Variants in PLD5 observed in about 807,000 individuals in gnomAD.
PLD5 encodes the protein inactive phospholipase D5.
Under a neutral mutation model 61.1 loss-of-function variants are expected in PLD5, and 36 were observed. That is an observed-to-expected ratio of 0.59 (90% CI 0.45 to 0.78). PLD5 has a LOEUF of 0.78. Ranked by LOEUF, PLD5 falls within the 30% of genes least tolerant of loss-of-function variation. The pLI, the probability that PLD5 is intolerant of heterozygous loss-of-function variation, is 0.00. For missense variants in PLD5, 515 were observed against 644.4 expected, an observed-to-expected ratio of 0.80 and a Z score of 2.17; for synonymous variants, 243 against 242.8, an observed-to-expected ratio of 1.00 and a Z score of -0.01.
intron 1 of PLD5, among the ~76,000 whole-genome samples, chr1:242,389,821 G>A (rs764251727): frequency 6.6e-6 from 1 of 151,942 alleles, no homozygotes; most frequent in Non-Finnish European, 1.5e-5. Flanking sequence ...GAGTCAGCAA[G>A]CATGGATTTA....
rs555387260 is a variant in PLD5, at chr1:242,101,066, GT to G, written c.1240-285del. 1.3e-3 allele frequency among the ~76,000 whole-genome samples: 195 copies of G among 152,288 alleles called. 1 individual carries two copies. The highest frequency in any genetic ancestry group is 4.5e-3 in the African/African-American group (186 of 41,558). ...TTTTCAGCAGGATAAGGGCCAGAAGGTTGTTTAATTCTCATTGTCTTATTCA... is the reference window on the plus strand; with the variant it reads ...TTTTCAGCAGGATAAGGGCCAGAAGGTGTTTAATTCTCATTGTCTTATTCA... On this transcript the variant is annotated intron_variant, in intron 8 of 9. Transcript: ENST00000536534.
intron 5 of PLD5, among the ~76,000 whole-genome samples, chr1:242,190,467 C>T (rs1052164333): frequency 2.0e-5 from 3 of 152,006 alleles, no homozygotes; most frequent in Admixed American, 6.6e-5. Flanking sequence ...TCCTTATGGA[C>T]GAGGTGCTCC....
intron 1 of PLD5, among the ~76,000 whole-genome samples, chr1:242,373,873 C>A (rs529762594): frequency 1.3e-5 from 2 of 151,818 alleles, no homozygotes; most frequent in Non-Finnish European, 2.9e-5. Context: ...ATGTAAATGA[C>A]GAGTTAATGT....
At chr1:242,163,642 T>TTCTA (rs1301370484) in intron 5 of PLD5, among the ~76,000 whole-genome samples, 2 of 152,200 alleles carry the variant, frequency 1.3e-5, no homozygotes, top group African/African-American at 2.4e-5. Context: ...TGTCCATTCA[T>TTCTA]TCTATCTCCC....
chr1:242,346,979 C>T (rs775835294), intron 2 of PLD5, among the ~76,000 whole-genome samples: 18 of 152,202 alleles, frequency 1.2e-4, no homozygotes, highest in Non-Finnish European at 7.3e-5. Flanking sequence ...CTGCAAAGGA[C>T]GTGATCTTGT....
chr1:242,525,217 G>A (rs1295322160), upstream of PLD5, among the ~76,000 whole-genome samples: 1 of 152,080 alleles, frequency 6.6e-6, no homozygotes, highest in African/African-American at 2.4e-5. Context: ...ATCCGATGGT[G>A]TGGCGATGCA....
At chr1:242,100,130 A>C (rs1246027501) in intron 9 of PLD5, among the ~76,000 whole-genome samples, 1 of 152,246 alleles carries the variant, frequency 6.6e-6, no homozygotes, top group East Asian at 1.9e-4. Flanking sequence ...CACCCAATGA[A>C]GTAGTTACTA....
intron 5 of PLD5, among the ~76,000 whole-genome samples, chr1:242,150,332 A>C (rs1664841286): frequency 6.6e-6 from 1 of 151,794 alleles, no homozygotes. Context: ...AGTTGTTGAC[A>C]GTGTTTTCAA....
intron 5 of PLD5, among the ~76,000 whole-genome samples, chr1:242,167,054 TGAGA>T (rs1666350869): frequency 7.8e-6 from 1 of 128,762 alleles, no homozygotes; most frequent in Non-Finnish European, 1.6e-5. Context: ...GGTAGCCTTT[TGAGA>T]GTGAGAGACA....
chr1:242,528,611 T>C (rs73148034), upstream of PLD5, among the ~76,000 whole-genome samples: 7,602 of 152,246 alleles, frequency 0.05, 634 homozygotes, highest in African/African-American at 0.18. Context: ...ATTTCCACAA[T>C]AGTTACATCT....
chr1:242,137,772 A>T (rs560630333), intron 5 of PLD5, among the ~76,000 whole-genome samples: 7 of 152,276 alleles, frequency 4.6e-5, no homozygotes, highest in East Asian at 1.9e-4. Flanking sequence ...CTAAATACCA[A>T]TGGCAGAGAA....
intron 1 of PLD5, among the ~76,000 whole-genome samples, chr1:242,422,178 A>G (rs1376316976): frequency 6.6e-6 from 1 of 152,004 alleles, no homozygotes; most frequent in Non-Finnish European, 1.5e-5. Flanking sequence ...GTAAATATAT[A>G]TATATACTGC....
chr1:242,299,555 C>T (rs761652336), intron 2 of PLD5, among the ~76,000 whole-genome samples: 48 of 152,300 alleles, frequency 3.2e-4, no homozygotes, highest in Admixed American at 1.4e-3. Flanking sequence ...CACAACACTC[C>T]ATTGCCTCTT....
chr1:242,215,272 A>C (rs946565774), intron 5 of PLD5, among the ~76,000 whole-genome samples: 2 of 152,038 alleles, frequency 1.3e-5, no homozygotes, highest in African/African-American at 4.8e-5. Context: ...CCAATTCACA[A>C]TTCCAACAAT....
intron 9 of PLD5, among the ~76,000 whole-genome samples, chr1:242,095,094 G>T (rs895393951): frequency 3.3e-5 from 5 of 151,570 alleles, no homozygotes; most frequent in African/African-American, 9.7e-5. Context: ...CCGCCACCAC[G>T]CCTGGCTAAT....
At chr1:242,485,747 G>A (rs995871722) in intron 1 of PLD5, among the ~76,000 whole-genome samples, 3 of 152,182 alleles carry the variant, frequency 2.0e-5, no homozygotes, top group African/African-American at 7.2e-5. Context: ...AAAAGAGCTC[G>A]CATTGCCAAG....
intron 7 of PLD5, among the ~76,000 whole-genome samples, chr1:242,110,060 T>C (rs888388500): frequency 6.8e-6 from 1 of 146,114 alleles, no homozygotes; most frequent in Non-Finnish European, 1.5e-5. Context: ...ATATAGATAT[T>C]ATATTACTAT....
intron 2 of PLD5, among the ~76,000 whole-genome samples, chr1:242,302,247 C>T (rs116726318): frequency 0.02 from 3,120 of 152,312 alleles, 116 homozygotes; most frequent in African/African-American, 0.07. Flanking sequence ...GCTAATGATG[C>T]ATTTGTCAGA....
rs114780769 is a variant in PLD5, at chr1:242,390,277, C to T, written c.190-42035G>A. On this transcript the variant is annotated intron_variant, in intron 1 of 9. Transcript: ENST00000536534. ...GTTTCACCTTGTTGGCCAGGTTGGT[C>T]TCGAAGATACAAATTATTAAAGCTC... Among the ~76,000 whole-genome samples the T allele has an allele frequency of 8.7e-3, 1,326 of 152,156 alleles. 22 individuals are homozygous for T. Among genetic ancestry groups the T allele is most frequent in the African/African-American group, 0.03 (1,260 of 41,530 alleles).
Sources: gnomAD v4.1 joint callset for allele counts (sites outside exome capture counted in the v4.1 genomes callset) on GRCh38, gnomAD v4.1.1 for gene constraint, MANE v1.5 for transcripts, NCBI Gene and HGNC (gene_info 2026-07-23, HGNC 2026-07-21) for gene names.